The following FMN2 variants were observed in gnomAD, a reference collection of about 807,000 sequenced individuals.
The protein encoded by FMN2 is formin-2.
Under a neutral mutation model 142.3 loss-of-function variants are expected in FMN2, and 51 were observed. That is an observed-to-expected ratio of 0.36 (90% CI 0.29 to 0.45). The LOEUF is 0.45. Ranked by LOEUF, FMN2 falls within the 20% of genes least tolerant of loss-of-function variation. The pLI, the probability that FMN2 is intolerant of heterozygous loss-of-function variation, is 1.00. For missense variants in FMN2, 1,936 were observed against 2,122.8 expected, an observed-to-expected ratio of 0.91 and a Z score of 1.73; for synonymous variants, 882 against 869.8, an observed-to-expected ratio of 1.01 and a Z score of -0.25.
chr1:240,116,792 C>G (rs952472518), intron 1 of FMN2, among the ~76,000 whole-genome samples: 1 of 151,884 alleles, frequency 6.6e-6, no homozygotes, highest in South Asian at 2.1e-4. Flanking sequence ...TTATTGATAC[C>G]ATGCTGCCCA....
intron 4 of FMN2, among the ~76,000 whole-genome samples, chr1:240,195,670 A>C (rs1393535963): frequency 6.6e-6 from 1 of 152,204 alleles, no homozygotes; most frequent in Non-Finnish European, 1.5e-5. Context: ...GTTCACAAAG[A>C]CTTTATAGGA....
rs149514160 is a variant in FMN2, at chr1:240,123,216, G to A, written c.1653G>A (p.Glu551=). ...TGGAGAAGCTGTTCAGCCAGCAGGA[G>A]AACGGGCCTCCAGAAGAAGCAGAGA... The part of the protein sequence containing the change: ...TLLEKLFSQQ[E]NGPPEEAEKF... Residue 551 remains glutamate, a synonymous_variant, in exon 2 of 18, where the codon GAG becomes GAA. Coordinates refer to ENST00000319653, the MANE Select transcript of FMN2 (RefSeq NM_020066.5). The A allele has an allele frequency of 8.0e-4, 1,292 of 1,614,218 alleles. 2 individuals are homozygous for A. The highest frequency in any genetic ancestry group is 1.8e-3 in the Admixed American group (111 of 60,028).
chr1:240,216,326 CA>C (rs1666894140), intron 6 of FMN2, among the ~76,000 whole-genome samples: 1 of 152,162 alleles, frequency 6.6e-6, no homozygotes, highest in African/African-American at 2.4e-5. Flanking sequence ...ACATGATACC[CA>C]GAATGTAAAT....
chr1:240,335,982 A>G (rs548201643), intron 13 of FMN2, among the ~76,000 whole-genome samples: 8 of 151,938 alleles, frequency 5.3e-5, no homozygotes, highest in South Asian at 4.2e-4. Context: ...CATCTCTACT[A>G]AAAATACAAA....
chr1:240,241,517 A>G (rs1382285792), intron 6 of FMN2, among the ~76,000 whole-genome samples: 2 of 152,340 alleles, frequency 1.3e-5, no homozygotes, highest in East Asian at 3.9e-4. Flanking sequence ...CTTAGCTGAC[A>G]GGAAATCCCA....
intron 2 of FMN2, chr1:240,143,115 A>G: frequency 6.5e-7 from 1 of 1,548,166 alleles, no homozygotes; most frequent in Middle Eastern, 1.7e-4. Context: ...GTGCACCATG[A>G]AGAGGTCGTT....
chr1:240,360,147 T>C (rs1002554973), intron 14 of FMN2, among the ~76,000 whole-genome samples: 1 of 152,224 alleles, frequency 6.6e-6, no homozygotes, highest in East Asian at 1.9e-4. Flanking sequence ...GTTACTAGAT[T>C]TCCCTTGCAA....
At chr1:240,425,763 C>G (rs1006350735) in intron 15 of FMN2, among the ~76,000 whole-genome samples, 1 of 152,180 alleles carries the variant, frequency 6.6e-6, no homozygotes, top group African/African-American at 2.4e-5. Context: ...TGAGGGAGAA[C>G]GTGGTGAATG....
chr1:240,361,998 A>G (rs1672502176), intron 14 of FMN2, among the ~76,000 whole-genome samples: 1 of 152,224 alleles, frequency 6.6e-6, no homozygotes, highest in Non-Finnish European at 1.5e-5. Context: ...ATAGCAGCAC[A>G]TGTTCAAATG....
chr1:240,178,641 C>T (rs992680584), intron 3 of FMN2, among the ~76,000 whole-genome samples: 7 of 152,010 alleles, frequency 4.6e-5, no homozygotes, highest in African/African-American at 7.2e-5. Context: ...CACTCTGTTG[C>T]CTAGGCTGAT....
intron 7 of FMN2, among the ~76,000 whole-genome samples, chr1:240,280,358 T>C (rs550101764): frequency 7.1e-6 from 1 of 141,088 alleles, no homozygotes; most frequent in African/African-American, 2.8e-5. Context: ...AGCACTACAC[T>C]GAAAAAAGAT....
intron 6 of FMN2, among the ~76,000 whole-genome samples, chr1:240,241,257 T>C (rs915111396): frequency 3.6e-5 from 5 of 140,144 alleles, no homozygotes; most frequent in Non-Finnish European, 7.9e-5. Context: ...TTTTTTTTTT[T>C]TGTCAAGGTC....
chr1:240,144,273 G>C, intron 2 of FMN2: 1 of 1,603,178 alleles, frequency 6.2e-7, no homozygotes, highest in Non-Finnish European at 8.5e-7. Context: ...AGGTTCATGC[G>C]GGCAGAGTCC....
chr1:240,463,451 C>A (rs1249970661), intron 16 of FMN2, among the ~76,000 whole-genome samples: 4 of 152,086 alleles, frequency 2.6e-5, no homozygotes, highest in Non-Finnish European at 5.9e-5. Context: ...TCCTCTAGGA[C>A]CTAGAGCTTG....
intron 15 of FMN2, among the ~76,000 whole-genome samples, chr1:240,426,467 C>A (rs1674939004): frequency 6.6e-6 from 1 of 151,946 alleles, no homozygotes; most frequent in Admixed American, 6.6e-5. Context: ...TTTGTGGTAC[C>A]AATGTTGTGT....
chr1:240,275,707 A>G (rs1669182626), intron 7 of FMN2, among the ~76,000 whole-genome samples: 1 of 152,134 alleles, frequency 6.6e-6, no homozygotes, highest in African/African-American at 2.4e-5. Flanking sequence ...CACTCTCACC[A>G]ACAGTGTAAA....
At chr1:240,157,498 G>A (rs954426047) in intron 2 of FMN2, among the ~76,000 whole-genome samples, 2 of 152,090 alleles carry the variant, frequency 1.3e-5, no homozygotes, top group African/African-American at 2.4e-5. Flanking sequence ...TTGCCTCCAT[G>A]TCTGGGTTAT....
intron 1 of FMN2, among the ~76,000 whole-genome samples, chr1:240,095,931 C>T (rs887832913): frequency 6.6e-6 from 1 of 152,054 alleles, no homozygotes; most frequent in African/African-American, 2.4e-5. Flanking sequence ...AAGGACATCA[C>T]CTATTTTGTA....
intron 2 of FMN2, among the ~76,000 whole-genome samples, chr1:240,169,396 G>GCCCTCT (rs1664612368): frequency 6.6e-6 from 1 of 151,942 alleles, no homozygotes; most frequent in South Asian, 2.1e-4. Flanking sequence ...AAGGTGTAGA[G>GCCCTCT]CCCTCTGCTG....
Sources: allele counts gnomAD v4.1 joint callset (sites outside exome capture counted in the v4.1 genomes callset), GRCh38; gene constraint gnomAD v4.1.1; transcripts MANE v1.5; gene names NCBI Gene and HGNC (gene_info 2026-07-23, HGNC 2026-07-21).